Variants in CIAO3 observed in about 807,000 individuals in gnomAD.
The protein encoded by CIAO3 is cytosolic iron-sulfur assembly component 3, also known as LET1 like/JFP15.
A neutral mutation model predicts 51.5 loss-of-function variants in CIAO3; 45 were observed. The observed-to-expected ratio is 0.87, with a 90% CI of 0.69 to 1.12. CIAO3 has a LOEUF of 1.12. Ranked by LOEUF, CIAO3 falls within the 50% of genes most tolerant of loss-of-function variation. The probability of loss-of-function intolerance (pLI) is 0.00; values close to 1 mark genes in which losing one functional copy is unlikely to be tolerated. For synonymous variants in CIAO3, 314 were observed against 269.3 expected (o/e 1.17, Z -1.63); for missense variants, 668 against 632.5 (o/e 1.06, Z -0.60).
At chr16:738,073 T>C in intron 2 of CIAO3, 1 of 1,042,284 alleles carries the variant, frequency 9.6e-7, no homozygotes. Flanking sequence ...TATCACAATC[T>C]GAGCTCGCCT....
intron 5 of CIAO3, 80 bp from the exon 6 acceptor site, chr16:734,427 G>C: frequency 2.9e-6 from 3 of 1,043,362 alleles, no homozygotes; most frequent in Non-Finnish European, 2.8e-6. Flanking sequence ...CGACATTCTG[G>C]GGGCGGGCCC....
intron 8 of CIAO3, 69 bp downstream of exon 8, chr16:732,232 A>AG (rs565021512): frequency 6.0e-6 from 9 of 1,491,150 alleles, no homozygotes; most frequent in Non-Finnish European, 7.3e-6. Context: ...AGCCCAGAGC[A>AG]GGGGGATGCT....
Position 736,311 on chromosome 16 carries a change from G to A in CIAO3, c.394C>T (p.Pro132Ser), listed in dbSNP as rs1403840082. The A allele has an allele frequency of 3.1e-6, 5 of 1,612,910 alleles. No homozygotes were observed. The highest frequency in any genetic ancestry group is 2.2e-5 in the East Asian group (1 of 44,884). The stretch of plus-strand genomic sequence containing the variant: ...GTTAATTTCCTGGCAGTATCTGTAG[G>A]ATTCAGCTGAAACCGTGCAGCCAGC... ...ASLAARFQLN[P>S]TDTARKLTSF... The change falls in exon 4 of 11, where the codon CCT becomes TCT. Residue 132 changes from proline to serine, a missense_variant. By Grantham distance (74) the Pro-to-Ser change is moderately conservative. Coordinates refer to ENST00000251588, the MANE Select transcript of CIAO3 (RefSeq NM_022493.3).
chr16:738,234 T>C, intron 2 of CIAO3: 3 of 988,168 alleles, frequency 3.0e-6, no homozygotes, highest in African/African-American at 1.7e-5. Flanking sequence ...TTCCCTTCGT[T>C]TGTGGGCTGG....
chr16:739,979 C>A (rs759515932), intron 1 of CIAO3: 1 of 1,480,632 alleles, frequency 6.8e-7, no homozygotes, highest in South Asian at 1.2e-5. Context: ...GTGCTAACAG[C>A]GCCTGCAAAC....
intron 6 of CIAO3, chr16:733,657 A>C (rs1596671690): frequency 1.8e-6 from 1 of 562,328 alleles, no homozygotes; most frequent in Non-Finnish European, 3.1e-6. Flanking sequence ...GCGCTCCCTA[A>C]CAGCCAAGTC....
In CIAO3 at chr16:738,035, C is replaced by T. The variant is rs189337582; in HGVS notation, c.163-706G>A. 1.9e-4 allele frequency: 214 copies of T among 1,105,744 alleles called. 1 individual carries two copies. In the Admixed American group the frequency reaches 5.7e-3, roughly 29 times the overall value. 68.5% of individuals were successfully genotyped at this position (1,105,744 alleles called of 1,614,324 possible). A position where few individuals can be genotyped will look rare whatever the true frequency, so the allele number is the denominator to read the frequency against. ...GGGTGGGAACTGTGTGGGAACCCCT[C>T]GCAGCCCAGCTCTCTGCTAGGCCTG... is the stretch of plus-strand genomic sequence containing the variant. On this transcript the variant is annotated intron_variant, in intron 2 of 10. Coordinates refer to ENST00000251588, the MANE Select transcript of CIAO3 (RefSeq NM_022493.3).
chr16:732,006 T>A (rs1327632960), intron 8 of CIAO3: 6 of 521,902 alleles, frequency 1.1e-5, no homozygotes, highest in Non-Finnish European at 1.7e-5. Context: ...GTAGCTGGGA[T>A]TACAGGGCCT....
chr16:736,504 G>T, intron 3 of CIAO3, 106 bp from the exon 4 acceptor site: 4 of 1,358,310 alleles, frequency 2.9e-6, no homozygotes, highest in Non-Finnish European at 4.0e-6. Flanking sequence ...GGGCAGGCCA[G>T]CTCCATCAAG....
chr16:735,050 C>T, intron 4 of CIAO3, 179 bp from the exon 5 acceptor site: 1 of 837,356 alleles, frequency 1.2e-6, no homozygotes, highest in Non-Finnish European at 1.7e-6. Context: ...GCCCCAGCCC[C>T]ACTGTGGGGA....
intron 1 of CIAO3, chr16:740,511 G>A (rs1469286233): frequency 6.5e-6 from 2 of 308,986 alleles, no homozygotes; most frequent in South Asian, 3.2e-5. Flanking sequence ...CTGCGCAGGG[G>A]AAGGGGAAGA....
At chr16:733,172 A>G in intron 7 of CIAO3, 126 bp downstream of exon 7, 3 of 1,251,374 alleles carry the variant, frequency 2.4e-6, no homozygotes, top group Non-Finnish European at 3.3e-6. Flanking sequence ...ACGTGCACGC[A>G]TGCGAGCCCC....
At position 731,642 on chromosome 16, in the gene CIAO3, G is replaced by A. The variant is rs766745004; in HGVS notation, c.957C>T (p.Tyr319=). The change falls in exon 9 of 11, where the codon TAC becomes TAT. Residue 319 remains tyrosine, a synonymous_variant. Transcript: ENST00000251588. ...CCGCGTGCCGGAACACGTGCTCCAG[G>A]TAGCCCCCCGAGCCCCCTCCCCGAT... ...TSHRGGGSGG[Y]LEHVFRHAAR... 3.2e-6 allele frequency: 5 copies of A among 1,558,460 alleles called. No homozygotes were observed. Among genetic ancestry groups the A allele is most frequent in the South Asian group, 1.2e-5 (1 of 84,730 alleles).
intron 2 of CIAO3, chr16:738,290 T>C (rs2041358722): frequency 4.1e-6 from 4 of 986,240 alleles, no homozygotes; most frequent in Non-Finnish European, 4.8e-6. Flanking sequence ...CAGTGGTTCA[T>C]GAGATCAGGC....
At position 730,403 on chromosome 16, in the gene CIAO3, T is replaced by G. The variant is rs202093229; in HGVS notation, c.*14A>C. ...CATGGACACGGCCTCCTGGGAGTCC[T>G]GGTCCTGCAGCCCCTACCACCGGAT... On this transcript the variant is annotated 3_prime_UTR_variant, in exon 11 of 11. Coordinates refer to ENST00000251588, the MANE Select transcript of CIAO3 (RefSeq NM_022493.3). The G allele has an allele frequency of 1.6e-5, 26 of 1,597,302 alleles. No homozygotes were observed. The Admixed American group carries it at 2.2e-4, about 13-fold the overall frequency.
In CIAO3 at chr16:730,923, C is replaced by A. The variant is rs750419777; in HGVS notation, c.1112G>T (p.Arg371Leu). Residue 371 changes from arginine (R) to leucine (L), a missense_variant, in exon 10 of 11, where the codon CGC (arginine) becomes CTC (leucine). Physicochemically the swap from Arg to Leu is moderately radical, Grantham distance 102. Transcript: ENST00000251588. ...LLHFAMAYGF[R>L]NIQNLVQRLK... ...CCTCTGCACCAGGTTCTGGATGTTG[C>A]GGAAGCCGTACGCCATTGCGAAGTG... 1 of 1,612,954 alleles carries A rather than the reference C, an allele frequency of 6.2e-7. No homozygotes were observed. The highest frequency in any genetic ancestry group is 2.2e-5 in the East Asian group (1 of 44,886).
At position 730,641 on chromosome 16, in the gene CIAO3, C is replaced by T. The variant is rs774640747; in HGVS notation, c.1207G>A (p.Gly403Arg). 33 of 1,609,168 alleles carry T rather than the reference C, an allele frequency of 2.1e-5. No individual in the cohort carries two copies. The highest frequency in any genetic ancestry group is 4.0e-5 in the African/African-American group (3 of 74,936). ...MACPSGCLNG[G>R]GQLQAPDRPS... ...CTGTCTGGGGCCTGGAGCTGGCCCCCGCCGTTCAGGCAGCCTATGGGAGAG... is the reference window on the plus strand; with the variant it reads ...CTGTCTGGGGCCTGGAGCTGGCCCCTGCCGTTCAGGCAGCCTATGGGAGAG... Residue 403 changes from glycine (G) to arginine (R), a missense_variant, in exon 11 of 11, where the codon GGG (glycine) becomes AGG (arginine). By Grantham distance (125) the Gly-to-Arg change is moderately radical (BLOSUM62 -2). Transcript: ENST00000251588.
At chr16:739,557 C>A (rs953035216) in intron 2 of CIAO3, 86 bp downstream of exon 2, 16 of 1,339,090 alleles carry the variant, frequency 1.2e-5, no homozygotes, top group Non-Finnish European at 7.5e-6. Context: ...GTCTCGGGGT[C>A]ACCGCTCTGT....
Position 731,629 on chromosome 16 carries a change from A to G in CIAO3, c.970T>C (p.Phe324Leu). 2 of 1,561,572 alleles carry G rather than the reference A, an allele frequency of 1.3e-6. No homozygotes were observed. Among genetic ancestry groups the G allele is most frequent in the Non-Finnish European group, 1.7e-6 (2 of 1,153,328 alleles). Residue 324 changes from phenylalanine (F) to leucine (L), a missense_variant, in exon 9 of 11, where the codon TTC becomes CTC. Transcript: ENST00000251588. ...GGSGGYLEHV[F>L]RHAARELFGI... Reference sequence around the variant, plus strand: ...AAGAGCTCTCGGGCCGCGTGCCGGAACACGTGCTCCAGGTAGCCCCCCGAG... The same window carrying G: ...AAGAGCTCTCGGGCCGCGTGCCGGAGCACGTGCTCCAGGTAGCCCCCCGAG...
Sources: allele counts gnomAD v4.1 joint callset, GRCh38; gene constraint gnomAD v4.1.1; transcripts MANE v1.5; gene names NCBI Gene and HGNC (gene_info 2026-07-23, HGNC 2026-07-21).